The following MYO1D variants were observed in gnomAD, a reference collection of about 807,000 sequenced individuals.
MYO1D encodes the protein myosin ID.
Under a neutral mutation model 122.0 loss-of-function variants are expected in MYO1D, and 83 were observed. That is an observed-to-expected ratio of 0.68 (90% CI 0.57 to 0.82). The LOEUF (loss-of-function observed/expected upper bound fraction) is 0.82, where lower values mean the gene tolerates loss of function less well. MYO1D is among the 40% of genes least tolerant of loss of function. The pLI, the probability that MYO1D is intolerant of heterozygous loss-of-function variation, is 0.00. For synonymous variants in MYO1D, 464 were observed against 446.9 expected (o/e 1.04, Z -0.48); for missense variants, 1,157 against 1,269.5 (o/e 0.91, Z 1.35).
At chr17:32,733,026 G>A (rs781407280) in intron 14 of MYO1D, among the ~76,000 whole-genome samples, 2 of 152,284 alleles carry the variant, frequency 1.3e-5, no homozygotes, top group Non-Finnish European at 2.9e-5. Context: ...GGAGCTGCCC[G>A]CTCTGCTGCA....
At chr17:32,650,032 C>T (rs1014364118) in intron 19 of MYO1D, among the ~76,000 whole-genome samples, 3 of 152,166 alleles carry the variant, frequency 2.0e-5, no homozygotes, top group Non-Finnish European at 2.9e-5. Flanking sequence ...ATGTAGCTAC[C>T]ACTTCACTTG....
intron 1 of MYO1D, among the ~76,000 whole-genome samples, chr17:32,803,271 C>T (rs1182830424): frequency 2.6e-5 from 4 of 152,028 alleles, no homozygotes; most frequent in African/African-American, 9.7e-5. Context: ...CTCAGCCTCC[C>T]GAGTAGCTGG....
At chr17:32,555,635 G>C (rs1029741686) in intron 21 of MYO1D, among the ~76,000 whole-genome samples, 1 of 152,050 alleles carries the variant, frequency 6.6e-6, no homozygotes, top group African/African-American at 2.4e-5. Flanking sequence ...CTCCTCCTTG[G>C]CTTTCCAGCC....
chr17:32,667,957 T>C (rs2088658957), intron 16 of MYO1D, among the ~76,000 whole-genome samples: 1 of 152,160 alleles, frequency 6.6e-6, no homozygotes, highest in Non-Finnish European at 1.5e-5. Flanking sequence ...CAGCCCAATA[T>C]CAACACTATT....
intron 19 of MYO1D, among the ~76,000 whole-genome samples, chr17:32,643,667 G>A (rs1021354441): frequency 3.3e-5 from 5 of 152,146 alleles, no homozygotes; most frequent in African/African-American, 1.2e-4. Context: ...ATGTGTCCAG[G>A]AATTTATCCA....
At chr17:32,664,287 C>G (rs75896725) in intron 16 of MYO1D, among the ~76,000 whole-genome samples, 5,078 of 152,230 alleles carry the variant, frequency 0.033, 273 homozygotes, top group African/African-American at 0.11. Flanking sequence ...GGGTCTGCAG[C>G]TTTGGAATTT....
intron 10 of MYO1D, among the ~76,000 whole-genome samples, chr17:32,758,400 G>A (rs1316603189): frequency 6.6e-6 from 1 of 152,070 alleles, no homozygotes; most frequent in East Asian, 1.9e-4. Flanking sequence ...CATGTATACT[G>A]ACTGGATATT....
intron 14 of MYO1D, among the ~76,000 whole-genome samples, chr17:32,736,962 G>A (rs771542730): frequency 2.6e-5 from 4 of 152,132 alleles, no homozygotes; most frequent in Non-Finnish European, 4.4e-5. Context: ...GATTATATAA[G>A]CCAACAAATT....
rs1054645045 is a variant in MYO1D at position 32,725,789 on chromosome 17, T to TA, written c.1747-4601dup. Among the ~76,000 whole-genome samples the TA allele has an allele frequency of 7.7e-4, 115 of 149,102 alleles. 1 individual carries two copies. The highest frequency in any genetic ancestry group is 7.8e-4 in the Non-Finnish European group (52 of 66,982). Reference sequence around the variant, plus strand: ...AGATTCTACAAACTACAAGCATATTTAAAAAAAAATCTACACCTAAGCACA... The same window carrying TA: ...AGATTCTACAAACTACAAGCATATTTAAAAAAAAAATCTACACCTAAGCACA... On this transcript the variant is annotated intron_variant, in intron 14 of 21. Transcript: ENST00000318217.
intron 19 of MYO1D, among the ~76,000 whole-genome samples, chr17:32,641,341 G>C (rs2088197937): frequency 6.6e-6 from 1 of 151,832 alleles, no homozygotes; most frequent in Non-Finnish European, 1.5e-5. Flanking sequence ...ATCATTGTTG[G>C]ACATTTGGGT....
At chr17:32,856,220 A>G (rs573906824) in intron 1 of MYO1D, among the ~76,000 whole-genome samples, 3 of 152,182 alleles carry the variant, frequency 2.0e-5, no homozygotes, top group Non-Finnish European at 4.4e-5. Context: ...CACAAAAAGC[A>G]TAGGAGCCTT....
At chr17:32,795,536 T>C (rs2090406224) in intron 1 of MYO1D, among the ~76,000 whole-genome samples, 2 of 152,058 alleles carry the variant, frequency 1.3e-5, no homozygotes, top group African/African-American at 2.4e-5. Context: ...TAAGGTCTCA[T>C]GCAATTCAGT....
intron 1 of MYO1D, among the ~76,000 whole-genome samples, chr17:32,828,249 G>A (rs1000001783): frequency 6.6e-6 from 1 of 152,136 alleles, no homozygotes; most frequent in African/African-American, 2.4e-5. Context: ...GGGCGCAGTG[G>A]CTCACGCCTG....
intron 21 of MYO1D, among the ~76,000 whole-genome samples, chr17:32,513,336 A>C (rs1909760427): frequency 6.6e-6 from 1 of 152,214 alleles, no homozygotes; most frequent in Non-Finnish European, 1.5e-5. Flanking sequence ...AGAGACGCTT[A>C]GGAGTGAGAA....
At chr17:32,578,006 TG>T (rs1180438379) in intron 21 of MYO1D, among the ~76,000 whole-genome samples, 1 of 152,224 alleles carries the variant, frequency 6.6e-6, no homozygotes, top group African/African-American at 2.4e-5. Context: ...CCCAAAGCGC[TG>T]GGATTACAGG....
intron 20 of MYO1D, among the ~76,000 whole-genome samples, chr17:32,621,080 T>C (rs562656577): frequency 6.6e-6 from 1 of 152,222 alleles, no homozygotes; most frequent in East Asian, 1.9e-4. Context: ...AACCTGAAGG[T>C]AATTTTATTT....
intron 21 of MYO1D, among the ~76,000 whole-genome samples, chr17:32,536,272 T>C (rs1041744699): frequency 1.1e-4 from 17 of 152,118 alleles, no homozygotes; most frequent in African/African-American, 3.9e-4. Context: ...TGACCTCAAG[T>C]GATCCATCCA....
At chr17:32,541,843 C>T (rs565526561) in intron 21 of MYO1D, among the ~76,000 whole-genome samples, 7 of 152,252 alleles carry the variant, frequency 4.6e-5, no homozygotes, top group South Asian at 2.1e-4. Flanking sequence ...GGTGCTTCCC[C>T]GCCCCACCCC....
intron 19 of MYO1D, among the ~76,000 whole-genome samples, chr17:32,651,979 C>T (rs780694447): frequency 1.3e-4 from 19 of 151,954 alleles, no homozygotes; most frequent in Admixed American, 2.6e-4. Flanking sequence ...TCTGGCCTCC[C>T]GCTAATTTAA....
Sources: gnomAD v4.1 joint callset for allele counts (sites outside exome capture counted in the v4.1 genomes callset) on GRCh38, gnomAD v4.1.1 for gene constraint, MANE v1.5 for transcripts, NCBI Gene and HGNC (gene_info 2026-07-23, HGNC 2026-07-21) for gene names.